Variants in ADGRA3 observed in about 807,000 individuals in gnomAD.
ADGRA3 encodes the protein G-protein coupled receptor 125.
A neutral mutation model predicts 119.8 loss-of-function variants in ADGRA3; 56 were observed. The observed-to-expected ratio is 0.47, with a 90% confidence interval of 0.38 to 0.58. The LOEUF (loss-of-function observed/expected upper bound fraction) is 0.58, where lower values mean the gene tolerates loss of function less well. Among genes scored for constraint, ADGRA3 ranks in the 20% least tolerant of loss-of-function variants. The probability of loss-of-function intolerance (pLI) is 0.00; values close to 1 mark genes in which losing one functional copy is unlikely to be tolerated. For missense variants in ADGRA3, 1,516 were observed against 1,649.0 expected, an observed-to-expected ratio of 0.92 and a Z score of 1.40; for synonymous variants, 607 against 623.8, an observed-to-expected ratio of 0.97 and a Z score of 0.40.
intron 1 of ADGRA3, among the ~76,000 whole-genome samples, chr4:22,497,138 G>C (rs754751051): frequency 6.6e-6 from 1 of 152,150 alleles, no homozygotes; most frequent in African/African-American, 2.4e-5. Context: ...AGGGTTGACA[G>C]GGAATCAGCC....
chr4:22,409,446 C>T (rs1386605991), intron 14 of ADGRA3, among the ~76,000 whole-genome samples: 2 of 152,172 alleles, frequency 1.3e-5, no homozygotes, highest in African/African-American at 4.8e-5. Flanking sequence ...ATTATTAACA[C>T]AGATCCCAAA....
At chr4:22,442,251 GAGAAGATAAGTACCTTAAAAT>G (rs1716643722) in intron 7 of ADGRA3, among the ~76,000 whole-genome samples, 1 of 152,198 alleles carries the variant, frequency 6.6e-6, no homozygotes, top group African/African-American at 2.4e-5. Flanking sequence ...CTAGTAGGTG[GAGAAGATAAGTACCTTAAAAT>G]ATTGTATCAG....
chr4:22,435,512 A>C, intron 9 of ADGRA3, 46 bp from the exon 10 acceptor site: 1 of 1,503,930 alleles, frequency 6.6e-7, no homozygotes. Context: ...TCATTAGCAA[A>C]ATGATCAACA....
intron 3 of ADGRA3, chr4:22,455,903 T>C: frequency 1.1e-6 from 1 of 949,562 alleles, no homozygotes; most frequent in Non-Finnish European, 1.5e-6. Context: ...TATTAGTTGC[T>C]AGACTTGGAA....
In ADGRA3 at chr4:22,515,930, A is replaced by G. The variant is rs1719654446; in HGVS notation, c.-146T>C. On this transcript the variant is annotated 5_prime_UTR_variant, in exon 1 of 19. It removes an upstream start codon present in the reference 5' UTR. Transcript: ENST00000334304. ...AGGACGGGCCTTCCCCGGCGCGGAC[A>G]TGCTCCTTTGTCCGCTGCGGCTGCG... 1 of 390,488 alleles carries G rather than the reference A, an allele frequency of 2.6e-6. No homozygotes were observed. Among genetic ancestry groups the G allele is most frequent in the Non-Finnish European group, 3.5e-6 (1 of 286,622 alleles). 24.2% of individuals were successfully genotyped at this position (390,488 alleles called of 1,614,324 possible).
At position 22,499,496 on chromosome 4, in the gene ADGRA3, G is replaced by A. The variant is rs577206149; in HGVS notation, c.257+16032C>T. 1.2e-4 allele frequency among the ~76,000 whole-genome samples: 18 copies of A among 152,242 alleles called. No homozygotes were observed. The South Asian group carries it at 2.7e-3, about 23-fold the overall frequency. ...ATTCTGATCACCTCTATTAAATAAG[G>A]TGTAGGAATGACAGTTCCCTGCTCA... On this transcript the variant is annotated intron_variant, in intron 1 of 18. Coordinates refer to ENST00000334304, the MANE Select transcript of ADGRA3 (RefSeq NM_145290.4).
At chr4:22,497,894 T>C (rs1718898704) in intron 1 of ADGRA3, among the ~76,000 whole-genome samples, 1 of 144,274 alleles carries the variant, frequency 6.9e-6, no homozygotes, top group Non-Finnish European at 1.5e-5. Context: ...CAGTGAGCTA[T>C]GATCAAACCA....
intron 10 of ADGRA3, among the ~76,000 whole-genome samples, chr4:22,433,635 C>A (rs1716273076): frequency 6.6e-6 from 1 of 152,166 alleles, no homozygotes; most frequent in Non-Finnish European, 1.5e-5. Context: ...GGGAGGTGAG[C>A]AAAACAGGTT....
intron 2 of ADGRA3, chr4:22,472,945 T>C (rs1316251013): frequency 6.6e-6 from 1 of 152,192 alleles, no homozygotes; most frequent in African/African-American, 2.4e-5. Context: ...GTAAATTAAA[T>C]GTCCATTATC....
chr4:22,398,354 TCA>T (rs929015731), intron 16 of ADGRA3, among the ~76,000 whole-genome samples: 2 of 152,176 alleles, frequency 1.3e-5, no homozygotes, highest in Admixed American at 1.3e-4. Context: ...CAGTATCATC[TCA>T]CAGTCTAATG....
chr4:22,418,726 C>A (rs930637269), intron 12 of ADGRA3, among the ~76,000 whole-genome samples: 1 of 152,086 alleles, frequency 6.6e-6, no homozygotes, highest in Non-Finnish European at 1.5e-5. Context: ...ACAACATTAA[C>A]AACCTGAAAT....
At chr4:22,476,677 T>A (rs1418534984) in intron 1 of ADGRA3, among the ~76,000 whole-genome samples, 2 of 149,804 alleles carry the variant, frequency 1.3e-5, no homozygotes, top group African/African-American at 4.9e-5. Flanking sequence ...TTGGGTTTTT[T>A]TTTTTTTAGA....
intron 1 of ADGRA3, among the ~76,000 whole-genome samples, chr4:22,495,174 TAGCAGAGAC>T (rs1407130454): frequency 6.6e-6 from 1 of 151,990 alleles, no homozygotes; most frequent in African/African-American, 2.4e-5. Context: ...AACAGGCAGG[TAGCAGAGAC>T]AGCATGGATA....
intron 1 of ADGRA3, among the ~76,000 whole-genome samples, chr4:22,510,803 CCT>C (rs544116871): frequency 1.5e-3 from 230 of 152,292 alleles, no homozygotes; most frequent in African/African-American, 4.6e-3. Flanking sequence ...TGATCTCTCC[CCT>C]GTTTGGGCTT....
rs556360810 is a variant in ADGRA3 at position 22,497,691 on chromosome 4, C to T, written c.257+17837G>A. Among the ~76,000 whole-genome samples the T allele has an allele frequency of 8.9e-5, 12 of 135,298 alleles. No homozygotes were observed. In the East Asian group the frequency reaches 2.4e-3, roughly 27 times the overall value. 88.8% of individuals were successfully genotyped at this position (135,298 alleles called of 152,430 possible). On this transcript the variant is annotated intron_variant, in intron 1 of 18. Coordinates refer to ENST00000334304, the MANE Select transcript of ADGRA3 (RefSeq NM_145290.4). ...CAAAAAAATTGGCCAGGCATGGTGG[C>T]GGGCGCCTATAATCCCAGCTACTTG...
intron 1 of ADGRA3, among the ~76,000 whole-genome samples, chr4:22,483,313 A>G (rs17599855): frequency 0.083 from 12,592 of 152,252 alleles, 578 homozygotes; most frequent in Non-Finnish European, 0.092. Flanking sequence ...CATCTGTGCA[A>G]TGAATTAATG....
intron 1 of ADGRA3, among the ~76,000 whole-genome samples, chr4:22,479,211 C>T (rs570198060): frequency 6.6e-6 from 1 of 152,066 alleles, no homozygotes; most frequent in African/African-American, 2.4e-5. Context: ...CGCCTGTAAT[C>T]CCAGCACTTT....
chr4:22,418,244 G>A (rs1203106148), intron 12 of ADGRA3, among the ~76,000 whole-genome samples: 3 of 152,172 alleles, frequency 2.0e-5, no homozygotes, highest in African/African-American at 7.2e-5. Context: ...TGAAGTCACT[G>A]GTGATTCCAG....
chr4:22,444,729 T>A (rs964264244), intron 6 of ADGRA3, among the ~76,000 whole-genome samples: 3 of 152,062 alleles, frequency 2.0e-5, no homozygotes, highest in African/African-American at 7.2e-5. Context: ...TTGAAATTGG[T>A]TTGCATAAAG....
Sources: allele counts gnomAD v4.1 joint callset (sites outside exome capture counted in the v4.1 genomes callset), GRCh38; gene constraint gnomAD v4.1.1; transcripts MANE v1.5; gene names NCBI Gene and HGNC (gene_info 2026-07-23, HGNC 2026-07-21).